Variants in CCSER1 observed in about 807,000 individuals in gnomAD.
CCSER1 encodes serine-rich coiled-coil domain-containing protein 1.
Under a neutral mutation model 82.0 loss-of-function variants are expected in CCSER1, and 41 were observed. The observed-to-expected ratio is 0.50, with a 90% CI of 0.39 to 0.65. The LOEUF is 0.65. CCSER1 is among the 30% of genes least tolerant of loss of function. The pLI is 0.00. For missense variants in CCSER1, 1,119 were observed against 1,064.2 expected (o/e 1.05, Z -0.72); for synonymous variants, 414 against 383.9 (o/e 1.08, Z -0.92).
chr4:90,372,615 T>C (rs941461685), intron 3 of CCSER1, among the ~76,000 whole-genome samples: 7 of 152,048 alleles, frequency 4.6e-5, no homozygotes, highest in African/African-American at 1.7e-4. Flanking sequence ...CCGGGCCTGG[T>C]GGCAGGCACC....
At position 91,583,979 on chromosome 4, in the gene CCSER1, C is replaced by T. The variant is rs567870853; in HGVS notation, c.2218-14593C>T. Among the ~76,000 whole-genome samples the T allele has an allele frequency of 1.3e-4, 20 of 151,496 alleles. 1 individual carries two copies. The highest frequency in any genetic ancestry group is 4.8e-4 in the African/African-American group (20 of 41,472). On this transcript the variant is annotated intron_variant, in intron 10 of 10. Transcript: ENST00000509176. ...AATGCTGTACAGCTTTGTTTGTTTC[C>T]TTACAAAATGTTCACAGCATGCTTT... is the stretch of plus-strand genomic sequence containing the variant.
At chr4:90,837,509 C>T (rs1017344740) in intron 8 of CCSER1, among the ~76,000 whole-genome samples, 28 of 152,010 alleles carry the variant, frequency 1.8e-4, no homozygotes, top group African/African-American at 6.3e-4. Context: ...ATTATAATAC[C>T]TATTTCATCA....
chr4:90,860,538 C>T (rs1764966334), intron 8 of CCSER1, among the ~76,000 whole-genome samples: 1 of 151,522 alleles, frequency 6.6e-6, no homozygotes, highest in Non-Finnish European at 1.5e-5. Context: ...GGTCTATACC[C>T]AAGATAAGTA....
chr4:91,060,313 T>G (rs1331240919), intron 9 of CCSER1, among the ~76,000 whole-genome samples: 1 of 152,040 alleles, frequency 6.6e-6, no homozygotes, highest in African/African-American at 2.4e-5. Flanking sequence ...ACTGATAATT[T>G]TTAGCTTTAA....
At chr4:90,818,092 G>A (rs1377912) in intron 8 of CCSER1, among the ~76,000 whole-genome samples, 51,207 of 151,550 alleles carry the variant, frequency 0.34, 8,790 homozygotes, top group East Asian at 0.42. Flanking sequence ...CTACATGTAT[G>A]CTGTAGAATG....
intron 5 of CCSER1, among the ~76,000 whole-genome samples, chr4:90,521,071 T>C (rs1773051931): frequency 6.6e-6 from 1 of 152,206 alleles, no homozygotes. Flanking sequence ...TAGGAGTTGA[T>C]TCTTTTTTTA....
At chr4:90,389,236 T>C (rs1359637122) in intron 3 of CCSER1, among the ~76,000 whole-genome samples, 2 of 152,150 alleles carry the variant, frequency 1.3e-5, no homozygotes, top group Non-Finnish European at 2.9e-5. Context: ...TTATACACAC[T>C]GACAGTTGTG....
chr4:90,307,034 C>T (rs879557013), intron 1 of CCSER1, among the ~76,000 whole-genome samples: 9 of 152,160 alleles, frequency 5.9e-5, no homozygotes, highest in Non-Finnish European at 1.2e-4. Flanking sequence ...TGAGCTGACC[C>T]TGTAGGGTTT....
At chr4:91,529,925 T>A (rs1353231990) in intron 10 of CCSER1, among the ~76,000 whole-genome samples, 1 of 152,144 alleles carries the variant, frequency 6.6e-6, no homozygotes, top group African/African-American at 2.4e-5. Flanking sequence ...TATTACATAT[T>A]TTCCCTGAAG....
intron 10 of CCSER1, among the ~76,000 whole-genome samples, chr4:91,186,066 A>T (rs1361562934): frequency 6.6e-6 from 1 of 152,204 alleles, no homozygotes; most frequent in Non-Finnish European, 1.5e-5. Flanking sequence ...AGCTTGCTGA[A>T]TTCCTGCCTG....
intron 10 of CCSER1, among the ~76,000 whole-genome samples, chr4:91,261,131 G>A (rs748592441): frequency 6.6e-6 from 1 of 152,176 alleles, no homozygotes; most frequent in Admixed American, 6.5e-5. Context: ...AGAATAGATG[G>A]AAGTGGTACC....
intron 3 of CCSER1, among the ~76,000 whole-genome samples, chr4:90,334,073 A>G (rs1739906069): frequency 6.6e-6 from 1 of 152,178 alleles, no homozygotes; most frequent in Non-Finnish European, 1.5e-5. Context: ...TCTGTTTTGT[A>G]TTCTTAACAC....
chr4:90,731,173 T>C (rs1196223134), intron 7 of CCSER1, among the ~76,000 whole-genome samples: 1 of 152,166 alleles, frequency 6.6e-6, no homozygotes, highest in Non-Finnish European at 1.5e-5. Flanking sequence ...TAATATATTG[T>C]ATGTAGAATA....
chr4:90,806,974 T>C (rs530910644), intron 7 of CCSER1, among the ~76,000 whole-genome samples: 88 of 152,258 alleles, frequency 5.8e-4, no homozygotes, highest in African/African-American at 2.0e-3. Context: ...TTTTATTTTA[T>C]GAATAAAATT....
intron 10 of CCSER1, among the ~76,000 whole-genome samples, chr4:91,088,289 A>C (rs2148820888): frequency 6.6e-6 from 1 of 152,276 alleles, no homozygotes; most frequent in African/African-American, 2.4e-5. Flanking sequence ...TGCAATATCA[A>C]GGGCTTATTA....
intron 10 of CCSER1, among the ~76,000 whole-genome samples, chr4:91,102,210 T>TA (rs1294435342): frequency 1.3e-5 from 2 of 152,042 alleles, no homozygotes; most frequent in South Asian, 2.1e-4. Flanking sequence ...TCCCATGCAA[T>TA]AAAAAAAGAA....
chr4:90,968,990 AC>A (rs1412066715), intron 9 of CCSER1, among the ~76,000 whole-genome samples: 4 of 151,954 alleles, frequency 2.6e-5, no homozygotes, highest in African/African-American at 9.7e-5. Flanking sequence ...ATTTAAAAAA[AC>A]AAATACAGGA....
chr4:90,494,015 G>T (rs897848632), intron 5 of CCSER1, among the ~76,000 whole-genome samples: 1 of 152,138 alleles, frequency 6.6e-6, no homozygotes, highest in Non-Finnish European at 1.5e-5. Flanking sequence ...GTATTCAGGA[G>T]ACCCATCTCA....
chr4:91,463,381 G>A (rs759046388), intron 10 of CCSER1, among the ~76,000 whole-genome samples: 1 of 151,994 alleles, frequency 6.6e-6, no homozygotes, highest in East Asian at 1.9e-4. Context: ...AAAGACCAAA[G>A]GTAGATAAAA....
Sources: gnomAD v4.1 joint callset for allele counts (sites outside exome capture counted in the v4.1 genomes callset) on GRCh38, gnomAD v4.1.1 for gene constraint, MANE v1.5 for transcripts, NCBI Gene and HGNC (gene_info 2026-07-23, HGNC 2026-07-21) for gene names.